The following IVD variants were observed in gnomAD, a reference collection of about 807,000 sequenced individuals.
IVD encodes isovaleryl-CoA dehydrogenase, mitochondrial.
In IVD, 31 loss-of-function variants were observed where a neutral mutation model predicts 51.3. That is an observed-to-expected ratio of 0.60 (90% CI 0.45 to 0.81). The LOEUF (loss-of-function observed/expected upper bound fraction) is 0.81. Among genes scored for constraint, IVD ranks in the 40% least tolerant of loss-of-function variants. The pLI is 0.00. For missense variants in IVD, 475 were observed against 552.0 expected, an observed-to-expected ratio of 0.86 and a Z score of 1.40; for synonymous variants, 205 against 219.4, an observed-to-expected ratio of 0.93 and a Z score of 0.58.
chr15:40,418,673 G>A lies in IVD; in HGVS notation c.*410G>A. On this transcript the variant is annotated 3_prime_UTR_variant, in exon 12 of 12. Transcript: ENST00000487418. Reference sequence around the variant, plus strand: ...TTTCTCTTGGGTGAGGCTCTGGCAAGGAGATCTCTCTGCTCAAGCACAGCA... The same window carrying A: ...TTTCTCTTGGGTGAGGCTCTGGCAAAGAGATCTCTCTGCTCAAGCACAGCA... 8.8e-7 allele frequency: 1 copy of A among 1,142,268 alleles called. No individual in the cohort carries two copies. The highest frequency in any genetic ancestry group is 2.0e-5 in the South Asian group (1 of 50,948). 70.8% of individuals were successfully genotyped at this position (1,142,268 alleles called of 1,614,324 possible). A position where few individuals can be genotyped will look rare whatever the true frequency, so the allele number is the denominator to read the frequency against.
intron 6 of IVD, among the ~76,000 whole-genome samples, chr15:40,411,929 G>A (rs1476348740): frequency 6.6e-6 from 1 of 152,192 alleles, no homozygotes; most frequent in Non-Finnish European, 1.5e-5. Flanking sequence ...ACACAAAGAG[G>A]TCTAGAAAGG....
At chr15:40,410,442 C>T (rs1205208107) in intron 3 of IVD, among the ~76,000 whole-genome samples, 186 bp from the exon 4 acceptor site, 1 of 152,234 alleles carries the variant, frequency 6.6e-6, no homozygotes, top group East Asian at 1.9e-4. Flanking sequence ...GGAGCACCAG[C>T]AGGCAAAACC....
downstream of IVD, among the ~76,000 whole-genome samples, chr15:40,429,152 A>G (rs1175181888): frequency 6.6e-6 from 1 of 152,152 alleles, no homozygotes; most frequent in Non-Finnish European, 1.5e-5. Context: ...TCTGTGCCTC[A>G]GAGGGTCTGC....
At chr15:40,415,241 G>A (rs952435988) in intron 8 of IVD, 160 bp from the exon 9 acceptor site, 3 of 763,030 alleles carry the variant, frequency 3.9e-6, no homozygotes, top group South Asian at 1.5e-5. Context: ...GGGCTGTCAC[G>A]CCCCTGCACC....
rs756203719 is a variant in IVD at position 40,411,513 on chromosome 15, G to C, written c.551-42G>C. 4 of 1,614,064 alleles carry C rather than the reference G, an allele frequency of 2.5e-6. No homozygotes were observed. In the Admixed American group the frequency reaches 5.0e-5, roughly 20 times the overall value. On this transcript the variant is annotated intron_variant, in intron 5 of 11. Transcript: ENST00000487418. The stretch of plus-strand genomic sequence containing the variant: ...GAAGGTCTATGGCCTGGCTGAGACA[G>C]GCCAAGATGGCTTGAGCAAATAGCC...
downstream of IVD, among the ~76,000 whole-genome samples, chr15:40,425,067 T>C (rs1164444748): frequency 6.6e-6 from 1 of 152,176 alleles, no homozygotes; most frequent in Non-Finnish European, 1.5e-5. Context: ...AGAAGGAAGC[T>C]GTGCTAAAAG....
At position 40,418,180 on chromosome 15, in the gene IVD, G is replaced by A. The variant is rs1271529532; in HGVS notation, c.1189G>A (p.Ala397Thr). The A allele has an allele frequency of 1.9e-6, 3 of 1,614,112 alleles. No individual in the cohort carries two copies. In the East Asian group the frequency reaches 6.7e-5, roughly 36 times the overall value. Residue 397 changes from alanine (A) to threonine (T), a missense_variant, in exon 12 of 12, where the codon GCC (alanine) becomes ACC (threonine). Ala to Thr is a moderately conservative substitution (Grantham distance 58, BLOSUM62 0). Transcript: ENST00000487418. ...TCCCATGGGCCGCTTTCTTCGAGAT[G>A]CCAAGCTGTATGAGATAGGGGCTGG... The part of the protein sequence containing the change: ...DFPMGRFLRD[A>T]KLYEIGAGTS...
At chr15:40,408,086 A>G (rs1890660554) in intron 3 of IVD, 96 bp downstream of exon 3, 2 of 1,191,074 alleles carry the variant, frequency 1.7e-6, no homozygotes, top group African/African-American at 3.0e-5. Flanking sequence ...GATTGTGCTT[A>G]AAGAAACCCA....
intron 6 of IVD, among the ~76,000 whole-genome samples, chr15:40,412,255 AAG>A (rs1376574101): frequency 1.3e-5 from 2 of 152,188 alleles, no homozygotes; most frequent in Admixed American, 1.3e-4. Context: ...GCTGGGGCAG[AAG>A]AGAGAAGGAT....
At chr15:40,412,849 A>G in intron 6 of IVD, 142 bp from the exon 7 acceptor site, 1 of 686,448 alleles carries the variant, frequency 1.5e-6, no homozygotes, top group Admixed American at 2.2e-5. Context: ...TCCCGGGGGG[A>G]GCATGGGACT....
At position 40,408,097 on chromosome 15, in the gene IVD, GA is replaced by G. The variant is rs1211683203; in HGVS notation, c.286+109del. 1.1e-4 allele frequency: 117 copies of G among 1,044,310 alleles called. 1 individual carries two copies. Among genetic ancestry groups the G allele is most frequent in the Admixed American group, 5.5e-5 (3 of 54,716 alleles). The allele number at this position is 1,044,310 out of a possible 1,614,324, so 64.7% of individuals were successfully genotyped here. On this transcript the variant is annotated intron_variant, in intron 3 of 11. Transcript: ENST00000487418. ...GAAAGATTGTGCTTAAAGAAACCCA[GA>G]ACTGCATCTTTTGGACCTGTGAAAG...
intron 2 of IVD, 45 bp from the exon 3 acceptor site, chr15:40,407,894 C>T: frequency 6.2e-7 from 1 of 1,602,276 alleles, no homozygotes; most frequent in Non-Finnish European, 8.5e-7. Flanking sequence ...TGACTGGCTG[C>T]CTTCCCCTCA....
downstream of IVD, among the ~76,000 whole-genome samples, chr15:40,426,662 C>T (rs530003927): frequency 2.0e-5 from 3 of 152,142 alleles, no homozygotes; most frequent in Non-Finnish European, 4.4e-5. Context: ...ACCTGATCAA[C>T]CTTACTAGAT....
rs893961639 is a variant in IVD, at chr15:40,417,982, C to A, written c.1139-148C>A. 4 of 1,119,196 alleles carry A rather than the reference C, an allele frequency of 3.6e-6. No individual in the cohort carries two copies. The East Asian group carries it at 1.1e-4, about 29-fold the overall frequency. 69.3% of individuals were successfully genotyped at this position (1,119,196 alleles called of 1,614,324 possible). ...AAGGATAAGGAAGGACTAGTGTATT[C>A]CCCACACCCCTCCCTCTTGCTACCT... On this transcript the variant is annotated intron_variant, in intron 11 of 11. Coordinates refer to ENST00000487418, the MANE Select transcript of IVD (RefSeq NM_002225.5).
chr15:40,426,971 T>C (rs1892706324), downstream of IVD, among the ~76,000 whole-genome samples: 1 of 152,200 alleles, frequency 6.6e-6, no homozygotes, highest in Non-Finnish European at 1.5e-5. Flanking sequence ...AACAATTACG[T>C]TTCCATTTAC....
At chr15:40,424,683 G>T (rs1892562472), downstream of IVD, among the ~76,000 whole-genome samples, 1 of 152,224 alleles carries the variant, frequency 6.6e-6, no homozygotes, top group South Asian at 2.1e-4. Context: ...TGTAATAGGT[G>T]CACAACAAAT....
rs1176307915 is a variant in IVD, at chr15:40,415,423, C to T, written c.901C>T (p.His301Tyr). The change falls in exon 9 of 12, where the codon CAC becomes TAC. Residue 301 changes from histidine to tyrosine, a missense_variant. Physicochemically the swap from His to Tyr is moderately conservative, Grantham distance 83. Coordinates refer to ENST00000487418, the MANE Select transcript of IVD (RefSeq NM_002225.5). Reference protein sequence around the residue: ...PLGLMQAVLDHTIPYLHVREA... With the variant: ...PLGLMQAVLDYTIPYLHVREA... ...CAGGCTCATGCAAGCGGTCCTGGAC[C>T]ACACCATTCCCTACCTGCACGTGAG... The T allele has an allele frequency of 6.2e-7, 1 of 1,614,172 alleles. No homozygotes were observed.
rs549892190 is a variant in IVD at position 40,406,216 on chromosome 15, AGAG to A, written c.144+252_144+254del. On this transcript the variant is annotated intron_variant, in intron 1 of 11. Transcript: ENST00000487418. ...CGTGGGACAGTACTGCTGGAAGTAGAGAGGAGGAGTCGAGGCTGGGAGAGCTCC... is the reference window on the plus strand; with the variant it reads ...CGTGGGACAGTACTGCTGGAAGTAGAGAGGAGTCGAGGCTGGGAGAGCTCC... 1.0e-4 allele frequency: 156 copies of A among 1,517,446 alleles called. 1 individual carries two copies. The East Asian group carries it at 1.2e-3, about 12-fold the overall frequency. The allele number at this position is 1,517,446 out of a possible 1,614,324, so 94.0% of individuals were successfully genotyped here.
At chr15:40,415,115 TGAAAG>T in intron 8 of IVD, 133 bp downstream of exon 8, 1 of 1,018,728 alleles carries the variant, frequency 9.8e-7, no homozygotes, top group Non-Finnish European at 1.4e-6. Flanking sequence ...TCCTGGGAGA[TGAAAG>T]GAACCTCCTC....
Sources: allele counts gnomAD v4.1 joint callset (sites outside exome capture counted in the v4.1 genomes callset), GRCh38; gene constraint gnomAD v4.1.1; transcripts MANE v1.5; gene names NCBI Gene and HGNC (gene_info 2026-07-23, HGNC 2026-07-21).